Variants in NAF1 observed in about 807,000 individuals in gnomAD.
NAF1 encodes the protein nuclear assembly factor 1 ribonucleoprotein.
In NAF1, 11 loss-of-function variants were observed where a neutral mutation model predicts 40.6. The ratio of observed to expected loss-of-function variants is 0.27; its 90% CI spans 0.17 to 0.45. The LOEUF is 0.45. Among genes scored for constraint, NAF1 ranks in the 20% least tolerant of loss-of-function variants. The probability of loss-of-function intolerance (pLI) is 1.00; values close to 1 mark genes in which losing one functional copy is unlikely to be tolerated. For missense variants in NAF1, 607 were observed against 611.1 expected (o/e 0.99, Z 0.07); for synonymous variants, 260 against 228.5 (o/e 1.14, Z -1.24).
downstream of NAF1, among the ~76,000 whole-genome samples, chr4:163,128,455 C>T (rs1206042311): frequency 6.6e-6 from 1 of 152,024 alleles, no homozygotes; most frequent in East Asian, 1.9e-4. Context: ...TCACAAATTA[C>T]ATTTATAATT....
In NAF1 at chr4:163,166,642, G is replaced by A. The variant is rs760281447; in HGVS notation, c.86C>T (p.Ala29Val). The A allele has an allele frequency of 4.5e-5, 72 of 1,612,732 alleles. No homozygotes were observed. Among genetic ancestry groups the A allele is most frequent in the Non-Finnish European group, 6.0e-5 (71 of 1,179,850 alleles). ...CACAGGGGCAGAGCCCGGAGACGGA[G>A]CCGCCGGACCTTCCCCAACTCCAAA... ...TDFGVGEGPA[A>V]PSPGSAPVPG... Residue 29 changes from alanine (A) to valine (V), a missense_variant, in exon 1 of 8, where the codon GCT becomes GTT. Physicochemically the swap from Ala to Val is moderately conservative, Grantham distance 64. This residue lies in a region of NAF1 where 407 missense variants were observed against 365.5 expected (regional missense o/e 1.11). Coordinates refer to ENST00000274054, the MANE Select transcript of NAF1 (RefSeq NM_138386.3).
intron 4 of NAF1, among the ~76,000 whole-genome samples, chr4:163,142,896 T>C (rs1172458245): frequency 1.3e-5 from 2 of 152,186 alleles, no homozygotes; most frequent in East Asian, 1.9e-4. Flanking sequence ...TACAGCTCCA[T>C]AGGAGGCACC....
chr4:163,105,000 A>G, the NAF1 span, among the ~76,000 whole-genome samples: 4 of 152,248 alleles, frequency 2.6e-5, no homozygotes, highest in Non-Finnish European at 4.4e-5. Flanking sequence ...GACTCAGTAC[A>G]AATCTTTCTT....
chr4:163,115,556 T>A (rs893585757), intron 2 of NAF1, among the ~76,000 whole-genome samples: 5 of 152,144 alleles, frequency 3.3e-5, no homozygotes, highest in Middle Eastern at 3.2e-3. Flanking sequence ...TTTCTATTTA[T>A]TTTTTGCCAA....
chr4:163,120,262 T>G (rs1477284492), intron 2 of NAF1, among the ~76,000 whole-genome samples: 1 of 152,224 alleles, frequency 6.6e-6, no homozygotes, highest in African/African-American at 2.4e-5. Flanking sequence ...CACACTGTAG[T>G]GGCTACTGAC....
At chr4:163,139,618 T>C (rs1301116337) in intron 5 of NAF1, among the ~76,000 whole-genome samples, 1 of 152,050 alleles carries the variant, frequency 6.6e-6, no homozygotes, top group Non-Finnish European at 1.5e-5. Context: ...TAAAAAAATA[T>C]TGCGGTCACA....
chr4:163,130,246 A>G (rs984184953), intron 7 of NAF1, among the ~76,000 whole-genome samples: 1 of 152,214 alleles, frequency 6.6e-6, no homozygotes, highest in African/African-American at 2.4e-5. Context: ...CTTCAAATTC[A>G]ATGAAAAAAA....
intron 2 of NAF1, chr4:163,157,473 CTG>C (rs1291590166): frequency 6.6e-6 from 1 of 151,960 alleles, no homozygotes; most frequent in African/African-American, 2.4e-5. Flanking sequence ...AGTAAGGAAA[CTG>C]AGCACAAGTT....
intron 6 of NAF1, among the ~76,000 whole-genome samples, chr4:163,134,010 G>T (rs1284369019): frequency 6.6e-6 from 1 of 152,046 alleles, no homozygotes; most frequent in Non-Finnish European, 1.5e-5. Context: ...GCAGATACAT[G>T]AATGATCCAA....
At chr4:163,123,568 C>T (rs575131062), downstream of NAF1, among the ~76,000 whole-genome samples, 1 of 152,116 alleles carries the variant, frequency 6.6e-6, no homozygotes, top group South Asian at 2.1e-4. Flanking sequence ...TTTTTGTAGA[C>T]AAGGTTTCAC....
rs768034696 is a variant in NAF1 at position 163,148,401 on chromosome 4, GAAT to G, written c.571_573del (p.Ile191del). ...GGCTTTAACTCAATATCTTCAGGCA[GAAT>G]AATAGTGAGTTCTTCAACAGAAGGC... On this transcript the variant is annotated inframe_deletion, in exon 3 of 8. Coordinates refer to ENST00000274054, the MANE Select transcript of NAF1 (RefSeq NM_138386.3). 1.9e-6 allele frequency: 3 copies of G among 1,584,454 alleles called. No homozygotes were observed. The highest frequency in any genetic ancestry group is 2.4e-5 in the South Asian group (2 of 84,960).
At chr4:163,139,172 A>G (rs1731163690) in intron 5 of NAF1, among the ~76,000 whole-genome samples, 1 of 152,102 alleles carries the variant, frequency 6.6e-6, no homozygotes, top group Admixed American at 6.6e-5. Flanking sequence ...ATGCCATGCA[A>G]CTGGGGTTGG....
rs181270490 is a variant in NAF1 at position 163,153,193 on chromosome 4, G to A, written c.541-4759C>T. ...CGAATACCACCCCCTGCTCCACGGC[G>A]CCGAGTCCCATCGACCACCCAAGGG... On this transcript the variant is annotated intron_variant, in intron 2 of 7. Transcript: ENST00000274054. Among the ~76,000 whole-genome samples, 1,410 of 152,306 alleles carry A rather than the reference G, an allele frequency of 9.3e-3. 29 individuals carry two copies. The highest frequency in any genetic ancestry group is 0.032 in the African/African-American group (1,323 of 41,562).
At chr4:163,152,349 T>C (rs927715421) in intron 2 of NAF1, among the ~76,000 whole-genome samples, 4 of 152,218 alleles carry the variant, frequency 2.6e-5, no homozygotes, top group Non-Finnish European at 5.9e-5. Context: ...CAAGGTCTGA[T>C]GAAGTCCTGA....
At chr4:163,107,112 G>A (rs1270007898), downstream of NAF1, among the ~76,000 whole-genome samples, 4 of 151,898 alleles carry the variant, frequency 2.6e-5, no homozygotes, top group East Asian at 1.9e-4. Flanking sequence ...TTAGCCTCCC[G>A]AGTAGCTGGG....
At chr4:163,162,802 G>C (rs996217033) in intron 2 of NAF1, among the ~76,000 whole-genome samples, 1 of 152,268 alleles carries the variant, frequency 6.6e-6, no homozygotes, top group Admixed American at 6.5e-5. Context: ...TATCTATAAA[G>C]CACTCCACTG....
At chr4:163,113,596 G>A (rs555734520) in intron 2 of NAF1, among the ~76,000 whole-genome samples, 1 of 70,132 alleles carries the variant, frequency 1.4e-5, no homozygotes, top group South Asian at 6.4e-4. Flanking sequence ...GCAGCTACAG[G>A]AGATATTTCT....
intron 2 of NAF1, among the ~76,000 whole-genome samples, chr4:163,150,886 T>C (rs1165810932): frequency 6.6e-6 from 1 of 152,138 alleles, no homozygotes; most frequent in Non-Finnish European, 1.5e-5. Flanking sequence ...TTCCACAATG[T>C]ATGAGAGATT....
intron 1 of NAF1, among the ~76,000 whole-genome samples, chr4:163,165,381 C>T (rs1732410557): frequency 6.6e-6 from 1 of 152,202 alleles, no homozygotes; most frequent in African/African-American, 2.4e-5. Context: ...CGCCATATCC[C>T]TTCTGCTTTC....
Sources: gnomAD v4.1 joint callset for allele counts (sites outside exome capture counted in the v4.1 genomes callset) on GRCh38, gnomAD v4.1.1 for gene constraint, gnomAD v4.1.1 regional missense constraint, MANE v1.5 for transcripts, NCBI Gene and HGNC (gene_info 2026-07-23, HGNC 2026-07-21) for gene names.